Variants in KCTD16 observed in about 807,000 individuals in gnomAD.
KCTD16 encodes the protein potassium channel tetramerization domain containing 16.
A neutral mutation model predicts 33.2 loss-of-function variants in KCTD16; 13 were observed. That is an observed-to-expected ratio of 0.39 (90% CI 0.25 to 0.62). The LOEUF (loss-of-function observed/expected upper bound fraction) is 0.62, where lower values mean the gene tolerates loss of function less well. Among genes scored for constraint, KCTD16 ranks in the 20% least tolerant of loss-of-function variants. KCTD16 has a pLI of 0.50. For missense variants in KCTD16, 441 were observed against 525.1 expected (o/e 0.84, Z 1.57); for synonymous variants, 197 against 195.3 (o/e 1.01, Z -0.07).
At chr5:144,235,835 G>C (rs1317152591) in intron 3 of KCTD16, among the ~76,000 whole-genome samples, 4 of 151,976 alleles carry the variant, frequency 2.6e-5, no homozygotes, top group African/African-American at 9.7e-5. Context: ...GCTTTAAAGG[G>C]CACAAAACCC....
chr5:144,286,751 A>G (rs1366809503), intron 3 of KCTD16, among the ~76,000 whole-genome samples: 2 of 152,216 alleles, frequency 1.3e-5, no homozygotes, highest in African/African-American at 4.8e-5. Flanking sequence ...AAGTCCTTTC[A>G]TATATATCGA....
chr5:144,385,240 A>G (rs1174590350), intron 3 of KCTD16: 1 of 152,230 alleles, frequency 6.6e-6, no homozygotes. Flanking sequence ...AGAAAAATAT[A>G]TTTTTGTTTA....
intron 3 of KCTD16, among the ~76,000 whole-genome samples, chr5:144,209,414 T>C (rs972027117): frequency 6.6e-6 from 1 of 152,144 alleles, no homozygotes; most frequent in Non-Finnish European, 1.5e-5. Context: ...TGAGGAACAG[T>C]TTGTTCTCCA....
intron 3 of KCTD16, among the ~76,000 whole-genome samples, chr5:144,232,739 A>G (rs929603989): frequency 6.6e-6 from 1 of 152,234 alleles, no homozygotes; most frequent in Non-Finnish European, 1.5e-5. Context: ...ACCACATGAA[A>G]AAAGTAAAAG....
At chr5:144,373,555 C>A (rs544965483) in intron 3 of KCTD16, among the ~76,000 whole-genome samples, 3 of 152,142 alleles carry the variant, frequency 2.0e-5, no homozygotes, top group African/African-American at 4.8e-5. Flanking sequence ...GGTCTATATC[C>A]TTCCAAGCCA....
chr5:144,308,479 G>A (rs768679248), intron 3 of KCTD16, among the ~76,000 whole-genome samples: 21 of 152,188 alleles, frequency 1.4e-4, no homozygotes, highest in Non-Finnish European at 2.5e-4. Flanking sequence ...TGACTGGGCT[G>A]CTTGAATTGC....
At chr5:144,424,245 G>A (rs1182352286) in intron 3 of KCTD16, among the ~76,000 whole-genome samples, 1 of 152,164 alleles carries the variant, frequency 6.6e-6, no homozygotes, top group Middle Eastern at 3.2e-3. Flanking sequence ...GGTCTAAGAA[G>A]CTTCTAAGTG....
chr5:144,266,366 A>G (rs1171777170), intron 3 of KCTD16, among the ~76,000 whole-genome samples: 2 of 152,214 alleles, frequency 1.3e-5, no homozygotes, highest in African/African-American at 2.4e-5. Context: ...GTGAATGGAC[A>G]GCTGTAGCCA....
intron 3 of KCTD16, among the ~76,000 whole-genome samples, chr5:144,361,307 G>A (rs1382585527): frequency 6.6e-6 from 1 of 151,998 alleles, no homozygotes; most frequent in South Asian, 2.1e-4. Context: ...TGGGTCAAAT[G>A]GTATTTCTGG....
intron 3 of KCTD16, among the ~76,000 whole-genome samples, chr5:144,453,334 A>C (rs1753988901): frequency 6.6e-6 from 1 of 152,084 alleles, no homozygotes; most frequent in Non-Finnish European, 1.5e-5. Flanking sequence ...AGTGATCCTA[A>C]GTATGAGTTG....
rs577817077 is a variant in KCTD16 at position 144,357,436 on chromosome 5, C to T, written c.833-116224C>T. ...GTAGGATCAGAATCAATGAGCCTTT[C>T]TTGAAATCTGGAGTCTTCTGGGATG... On this transcript the variant is annotated intron_variant, in intron 3 of 3. Transcript: ENST00000512467. Among the ~76,000 whole-genome samples, 10 of 152,268 alleles carry T rather than the reference C, an allele frequency of 6.6e-5. No homozygotes were observed. The East Asian group carries it at 1.9e-3, about 29-fold the overall frequency.
In KCTD16 at chr5:144,287,870, G is replaced by A. The variant is rs148852833; in HGVS notation, c.832+80324G>A. On this transcript the variant is annotated intron_variant, in intron 3 of 3. Coordinates refer to ENST00000512467, the MANE Select transcript of KCTD16 (RefSeq NM_020768.4). ...AAGCTTGTCTCGAACTCCTGACCTC[G>A]TGATCCCCCTGCCTCGGCCTCTCAA... Among the ~76,000 whole-genome samples the A allele has an allele frequency of 2.2e-4, 33 of 152,136 alleles. No homozygotes were observed. The East Asian group carries it at 4.3e-3, about 20-fold the overall frequency.
chr5:144,190,244 T>A (rs947317314), intron 2 of KCTD16, among the ~76,000 whole-genome samples: 2 of 152,214 alleles, frequency 1.3e-5, no homozygotes, highest in Non-Finnish European at 2.9e-5. Context: ...CATGACTTAT[T>A]TATCTCTGTA....
At chr5:144,451,372 C>A (rs984630044) in intron 3 of KCTD16, among the ~76,000 whole-genome samples, 2 of 152,122 alleles carry the variant, frequency 1.3e-5, no homozygotes, top group African/African-American at 2.4e-5. Flanking sequence ...CATGGTGATT[C>A]TTTGTCTGTT....
At chr5:144,409,819 AAAC>A (rs60399517) in intron 3 of KCTD16, among the ~76,000 whole-genome samples, 162 of 151,988 alleles carry the variant, frequency 1.1e-3, no homozygotes, top group Admixed American at 9.4e-3. Flanking sequence ...CTCTGTCTCA[AAAC>A]AACAACAACA....
rs190870047 is a variant in KCTD16 at position 144,234,291 on chromosome 5, C to A, written c.832+26745C>A. Among the ~76,000 whole-genome samples the A allele has an allele frequency of 1.2e-4, 18 of 152,202 alleles. No individual in the cohort carries two copies. The East Asian group carries it at 3.5e-3, about 29-fold the overall frequency. On this transcript the variant is annotated intron_variant, in intron 3 of 3. Transcript: ENST00000512467. ...TCTCTCCAAGCGTGGTGCTCCCCAG[C>A]CTCACTTCATAAGAGAAAGTTCAGA...
chr5:144,295,750 A>G (rs147554303), intron 3 of KCTD16, among the ~76,000 whole-genome samples: 1 of 152,354 alleles, frequency 6.6e-6, no homozygotes, highest in East Asian at 1.9e-4. Context: ...AATGGGCTCA[A>G]TCTAGTTACA....
chr5:144,354,915 T>A (rs1209659062), intron 3 of KCTD16, among the ~76,000 whole-genome samples: 1 of 152,188 alleles, frequency 6.6e-6, no homozygotes, highest in African/African-American at 2.4e-5. Context: ...ATTTATTTGA[T>A]GGCATTATAG....
intron 3 of KCTD16, among the ~76,000 whole-genome samples, chr5:144,315,282 T>G (rs190897311): frequency 5.6e-4 from 86 of 152,322 alleles, no homozygotes; most frequent in African/African-American, 2.0e-3. Flanking sequence ...CCCTGAACAA[T>G]CCAACGGTGT....
Sources: gnomAD v4.1 joint callset for allele counts (sites outside exome capture counted in the v4.1 genomes callset) on GRCh38, gnomAD v4.1.1 for gene constraint, MANE v1.5 for transcripts, NCBI Gene and HGNC (gene_info 2026-07-23, HGNC 2026-07-21) for gene names.